Variants in LNX1 observed in about 807,000 individuals in gnomAD.
LNX1 encodes the protein E3 ubiquitin-protein ligase LNX.
A neutral mutation model predicts 68.4 loss-of-function variants in LNX1; 54 were observed. That is an observed-to-expected ratio of 0.79 (90% CI 0.63 to 0.99). LNX1 has a LOEUF of 0.99. Ranked by LOEUF, LNX1 falls within the 50% of genes least tolerant of loss-of-function variation. The pLI is 0.00. For missense variants in LNX1, 906 were observed against 926.4 expected (o/e 0.98, Z 0.29); for synonymous variants, 336 against 350.0 (o/e 0.96, Z 0.45).
chr4:53,478,523 T>A (rs1464091052), intron 8 of LNX1, 42 bp downstream of exon 8: 1 of 1,534,158 alleles, frequency 6.5e-7, no homozygotes, highest in South Asian at 1.2e-5. Flanking sequence ...TTCTCTTGAT[T>A]CTCTGCCACC....
intron 2 of LNX1, among the ~76,000 whole-genome samples, chr4:53,532,736 CAAAGATATCAGA>C (rs1056513782): frequency 6.6e-6 from 1 of 152,178 alleles, no homozygotes; most frequent in African/African-American, 2.4e-5. Context: ...CTGCTAGAAA[CAAAGATATCAGA>C]CCATACTTTG....
At chr4:53,626,341 T>A (rs1734074377) in intron 1 of LNX1, among the ~76,000 whole-genome samples, 1 of 152,214 alleles carries the variant, frequency 6.6e-6, no homozygotes, top group South Asian at 2.1e-4. Context: ...AACCCTCATA[T>A]AATAAATATA....
intron 1 of LNX1, chr4:53,576,190 G>A: frequency 1.3e-6 from 2 of 1,583,754 alleles, no homozygotes; most frequent in Non-Finnish European, 1.7e-6. Context: ...GTGGTGGGTG[G>A]ATGTGACAAT....
At chr4:53,510,127 G>A (rs1188550852) in intron 2 of LNX1, among the ~76,000 whole-genome samples, 1 of 152,178 alleles carries the variant, frequency 6.6e-6, no homozygotes, top group Non-Finnish European at 1.5e-5. Context: ...GTTACATTTT[G>A]TTATTGAGAA....
chr4:53,515,743 G>A (rs915881401), intron 2 of LNX1, among the ~76,000 whole-genome samples: 10 of 152,064 alleles, frequency 6.6e-5, no homozygotes, highest in South Asian at 4.2e-4. Flanking sequence ...CTCATGGGAG[G>A]GTCTTCTAAG....
chr4:53,461,665 T>C lies in LNX1; in HGVS notation c.1893-72A>G. ...TTAAGGGAATACTTACTGTGACTCA[T>C]CCTCCATTCCTTTTGTTGGCATTTT... On this transcript the variant is annotated intron_variant, in intron 9 of 10. Transcript: ENST00000263925. The C allele has an allele frequency of 3.4e-6, 4 of 1,191,224 alleles. No homozygotes were observed. The Admixed American group carries it at 6.6e-5, about 20-fold the overall frequency. The allele number at this position is 1,191,224 out of a possible 1,614,324, so 73.8% of individuals were successfully genotyped here. A position where few individuals can be genotyped will look rare whatever the true frequency, so the allele number is the denominator to read the frequency against.
chr4:53,516,496 C>T (rs1291524725), intron 2 of LNX1, among the ~76,000 whole-genome samples: 1 of 152,042 alleles, frequency 6.6e-6, no homozygotes, highest in African/African-American at 2.4e-5. Context: ...ACTGATTCTG[C>T]TTGGGGTAAT....
chr4:53,554,010 G>A (rs1240631002), intron 2 of LNX1, among the ~76,000 whole-genome samples: 1 of 152,220 alleles, frequency 6.6e-6, no homozygotes, highest in African/African-American at 2.4e-5. Flanking sequence ...TTATCTATGA[G>A]AAACAGCTTA....
At chr4:53,463,456 C>A (rs1722359531) in intron 9 of LNX1, among the ~76,000 whole-genome samples, 1 of 151,990 alleles carries the variant, frequency 6.6e-6, no homozygotes, top group African/African-American at 2.4e-5. Flanking sequence ...CAAAGTCATA[C>A]CTTGGTTAGT....
upstream of LNX1, among the ~76,000 whole-genome samples, chr4:53,594,698 T>TTTTC (rs370832025): frequency 6.6e-6 from 1 of 152,020 alleles, no homozygotes; most frequent in Non-Finnish European, 1.5e-5. Flanking sequence ...TCTTACTTTC[T>TTTTC]TTTCTTTCTT....
chr4:53,575,580 C>A, intron 1 of LNX1: 15 of 1,275,876 alleles, frequency 1.2e-5, no homozygotes, highest in Non-Finnish European at 1.5e-5. Flanking sequence ...TCTGGGTCAA[C>A]TTTCATGGTG....
chr4:53,597,881 C>T (rs1045788692), intron 2 of LNX1, among the ~76,000 whole-genome samples: 2 of 152,192 alleles, frequency 1.3e-5, no homozygotes, highest in African/African-American at 4.8e-5. Context: ...CTGTGGTTCT[C>T]ATAACAACCA....
At chr4:53,568,918 T>A (rs1417165001) in intron 2 of LNX1, among the ~76,000 whole-genome samples, 1 of 151,818 alleles carries the variant, frequency 6.6e-6, no homozygotes, top group Non-Finnish European at 1.5e-5. Context: ...CACAATTGCT[T>A]CAAAGAGAAT....
chr4:53,481,665 C>T (rs1424026230), intron 7 of LNX1, 55 bp downstream of exon 7: 4 of 1,569,912 alleles, frequency 2.5e-6, no homozygotes, highest in East Asian at 4.6e-5. Flanking sequence ...AAACAAGCAG[C>T]CTTCCCAAGA....
rs201038343 is a variant in LNX1 at position 53,557,065 on chromosome 4, ATT to A, written c.380+16556_380+16557del. Among the ~76,000 whole-genome samples the A allele has an allele frequency of 9.8e-5, 15 of 152,382 alleles. No homozygotes were observed. The East Asian group carries it at 2.7e-3, about 27-fold the overall frequency. ...ACTTTTCATATGATTGCTAGAAGTC[ATT>A]CACATTAGTCTATAATCCTTATTGA... On this transcript the variant is annotated intron_variant, in intron 2 of 10. Coordinates refer to ENST00000263925, the MANE Select transcript of LNX1 (RefSeq NM_001126328.3).
At chr4:53,649,194 T>G (rs1397684045) in intron 1 of LNX1, among the ~76,000 whole-genome samples, 1 of 152,228 alleles carries the variant, frequency 6.6e-6, no homozygotes, top group Non-Finnish European at 1.5e-5. Flanking sequence ...ATTCATTATA[T>G]TTTGGGGTGC....
At chr4:53,639,818 C>T (rs1180543394) in intron 1 of LNX1, among the ~76,000 whole-genome samples, 2 of 152,116 alleles carry the variant, frequency 1.3e-5, no homozygotes, top group East Asian at 1.9e-4. Flanking sequence ...GATCACTTGA[C>T]GTCAGGGATT....
upstream of LNX1, among the ~76,000 whole-genome samples, chr4:53,596,171 T>G (rs1471269583): frequency 1.3e-5 from 2 of 152,160 alleles, no homozygotes; most frequent in Non-Finnish European, 2.9e-5. Flanking sequence ...AGAGTAATAA[T>G]CACAAACATC....
At position 53,507,429 on chromosome 4, in the gene LNX1, A is replaced by T; in HGVS notation, c.663T>A (p.Phe221Leu). The T allele has an allele frequency of 6.2e-7, 1 of 1,614,152 alleles. No homozygotes were observed. Among genetic ancestry groups the T allele is most frequent in the Non-Finnish European group, 8.5e-7 (1 of 1,180,016 alleles). ...FERSTIRSRS[F>L]KKINRALSVL... The stretch of plus-strand genomic sequence containing the variant: ...CACTCAAAGCTCGATTTATTTTTTT[A>T]AATGATCTGCTTCTAATAGTGGATC... Residue 221 changes from phenylalanine to leucine, a missense_variant, in exon 4 of 11, where the codon TTT (phenylalanine) becomes TTA (leucine). Phe to Leu is a conservative substitution (Grantham distance 22, BLOSUM62 0). Transcript: ENST00000263925.
Sources: gnomAD v4.1 joint callset for allele counts (sites outside exome capture counted in the v4.1 genomes callset) on GRCh38, gnomAD v4.1.1 for gene constraint, MANE v1.5 for transcripts, NCBI Gene and HGNC (gene_info 2026-07-23, HGNC 2026-07-21) for gene names.